LMX1A: variants seen among roughly 807,000 people sequenced by gnomAD.
The protein encoded by LMX1A is LIM homeobox transcription factor 1 alpha.
In LMX1A, 15 loss-of-function variants were observed where a neutral mutation model predicts 49.1. That is an observed-to-expected ratio of 0.31 (90% CI 0.20 to 0.47). LMX1A has a LOEUF of 0.47. Ranked by LOEUF, LMX1A falls within the 20% of genes least tolerant of loss-of-function variation. The pLI is 1.00. For missense variants in LMX1A, 372 were observed against 475.8 expected, an observed-to-expected ratio of 0.78 and a Z score of 2.03; for synonymous variants, 167 against 185.7, an observed-to-expected ratio of 0.90 and a Z score of 0.82.
intron 3 of LMX1A, among the ~76,000 whole-genome samples, chr1:165,266,907 CTT>C (rs1653643356): frequency 6.6e-6 from 1 of 151,836 alleles, no homozygotes; most frequent in Non-Finnish European, 1.5e-5. Flanking sequence ...GGCTTGCTTG[CTT>C]GCTTGCTTGC....
chr1:165,329,276 C>T (rs1655672113), intron 3 of LMX1A, among the ~76,000 whole-genome samples: 2 of 152,184 alleles, frequency 1.3e-5, no homozygotes, highest in Admixed American at 1.3e-4. Flanking sequence ...GATCCGGTCA[C>T]CTCCCACCAG....
intron 3 of LMX1A, among the ~76,000 whole-genome samples, chr1:165,281,775 T>TGTGTGTGA (rs1260514827): frequency 6.6e-6 from 1 of 151,826 alleles, no homozygotes; most frequent in African/African-American, 2.4e-5. Context: ...TGTGTGTGTG[T>TGTGTGTGA]GAAGCCACTG....
rs771718001 is a variant in LMX1A, at chr1:165,355,447, A to G, written c.76+37T>C. On this transcript the variant is annotated intron_variant, in intron 2 of 8. Coordinates refer to ENST00000342310, the MANE Select transcript of LMX1A (RefSeq NM_177398.4). The surrounding 1 kb of genome is among the most constrained non-coding windows in gnomAD (Gnocchi z 4.7). Reference sequence around the variant, plus strand: ...CTCCAGAGCTCAGCGCCAAGCGGAAAGAGAGTGCGCCCAGGACGCACGGCC... The same window carrying G: ...CTCCAGAGCTCAGCGCCAAGCGGAAGGAGAGTGCGCCCAGGACGCACGGCC... The G allele has an allele frequency of 1.2e-6, 2 of 1,607,218 alleles. No individual in the cohort carries two copies. Among genetic ancestry groups the G allele is most frequent in the African/African-American group, 1.3e-5 (1 of 74,800 alleles).
At chr1:165,309,205 T>G (rs1202850849) in intron 3 of LMX1A, among the ~76,000 whole-genome samples, 1 of 151,806 alleles carries the variant, frequency 6.6e-6, no homozygotes, top group Non-Finnish European at 1.5e-5. Flanking sequence ...AAGAGCTTGC[T>G]GCACGCTCCC....
chr1:165,223,033 G>C (rs1013313744), intron 4 of LMX1A, among the ~76,000 whole-genome samples: 3 of 121,100 alleles, frequency 2.5e-5, no homozygotes, highest in African/African-American at 8.8e-5. Context: ...GTGGTGGGGT[G>C]GGGGAGTGAT....
At position 165,355,832 on chromosome 1, in the gene LMX1A, CCTT is replaced by C; in HGVS notation, c.-22-254_-22-252del. The C allele has an allele frequency of 4.1e-6, 2 of 492,344 alleles. No individual in the cohort carries two copies. The highest frequency in any genetic ancestry group is 5.5e-5 in the South Asian group (2 of 36,238). 30.5% of individuals were successfully genotyped at this position (492,344 alleles called of 1,614,324 possible). On this transcript the variant is annotated intron_variant, in intron 1 of 8. Transcript: ENST00000342310. The surrounding 1 kb of genome is among the most constrained non-coding windows in gnomAD (Gnocchi z 4.7). Reference sequence around the variant, plus strand: ...GCCTCCGCCCCCCAACTGCGTTTCTCCTTCTCCTGCCCCCCTCACCCCCACCTA... The same window carrying C: ...GCCTCCGCCCCCCAACTGCGTTTCTCCTCCTGCCCCCCTCACCCCCACCTA...
In LMX1A at chr1:165,243,885, A is replaced by G. The variant is rs574771508; in HGVS notation, c.496+5523T>C. The stretch of plus-strand genomic sequence containing the variant: ...TTGAACACTCCATAGTGATAAGAGT[A>G]TCTTTTGTTGGCTAATGGTAGCTGG... On this transcript the variant is annotated intron_variant, in intron 4 of 8. Coordinates refer to ENST00000342310, the MANE Select transcript of LMX1A (RefSeq NM_177398.4). Among the ~76,000 whole-genome samples the G allele has an allele frequency of 2.0e-5, 3 of 152,348 alleles. No individual in the cohort carries two copies. The East Asian group carries it at 5.8e-4, about 29-fold the overall frequency.
At chr1:165,216,585 A>G (rs530319408) in intron 4 of LMX1A, among the ~76,000 whole-genome samples, 1 of 152,326 alleles carries the variant, frequency 6.6e-6, no homozygotes, top group East Asian at 1.9e-4. Flanking sequence ...AGTATAGAAT[A>G]TATTTTAAAA....
rs778635356 is a variant in LMX1A at position 165,249,523 on chromosome 1, T to C, written c.381A>G (p.Arg127=). The stretch of plus-strand genomic sequence containing the variant: ...CAAACTCATCACCCTTCTGAAGCTG[T>C]CGCTCGCAGACACAGCAGCAGAAGC... ...LSCFCCCVCE[R]QLQKGDEFVL... is the part of the protein sequence containing the mutation. The change falls in exon 4 of 9, where the codon CGA becomes CGG. Residue 127 remains arginine, a synonymous_variant. Transcript: ENST00000342310. The C allele has an allele frequency of 1.2e-6, 2 of 1,614,148 alleles. No individual in the cohort carries two copies. Among genetic ancestry groups the C allele is most frequent in the East Asian group, 4.5e-5 (2 of 44,876 alleles).
At position 165,232,994 on chromosome 1, in the gene LMX1A, C is replaced by A. The variant is rs556698851; in HGVS notation, c.496+16414G>T. On this transcript the variant is annotated intron_variant, in intron 4 of 8. Transcript: ENST00000342310. ...ATGTTGAACGGACCAGCAGAAGTCC[C>A]AATACTTATGTATATAATGAATTCC... Among the ~76,000 whole-genome samples the A allele has an allele frequency of 5.3e-5, 8 of 152,282 alleles. No individual in the cohort carries two copies. In the East Asian group the frequency reaches 1.3e-3, roughly 26 times the overall value.
chr1:165,298,232 A>G (rs1289014870), intron 3 of LMX1A, among the ~76,000 whole-genome samples: 2 of 152,136 alleles, frequency 1.3e-5, no homozygotes, highest in African/African-American at 2.4e-5. Flanking sequence ...GTTTTTATGC[A>G]GCTATTTGCG....
At chr1:165,298,248 G>A (rs1482849966) in intron 3 of LMX1A, among the ~76,000 whole-genome samples, 2 of 152,228 alleles carry the variant, frequency 1.3e-5, no homozygotes. Flanking sequence ...TTGCGGAGAT[G>A]AGAGCTGATT....
rs73027300 is a variant in LMX1A at position 165,232,148 on chromosome 1, C to A, written c.496+17260G>T. ...AAGGTCCACAGAGCAGGGAAGGCTG[C>A]GGATGCATCCCTGTGCTGGAGCAGC... On this transcript the variant is annotated intron_variant, in intron 4 of 8. Transcript: ENST00000342310. 2.7e-3 allele frequency among the ~76,000 whole-genome samples: 418 copies of A among 152,284 alleles called. 4 individuals carry two copies. The highest frequency in any genetic ancestry group is 9.7e-3 in the African/African-American group (405 of 41,566).
intron 3 of LMX1A, among the ~76,000 whole-genome samples, chr1:165,266,768 A>AT (rs1406006782): frequency 1.3e-5 from 2 of 151,292 alleles, no homozygotes; most frequent in African/African-American, 2.4e-5. Flanking sequence ...CGCCCAGCTA[A>AT]TTTTTTGTAT....
At chr1:165,350,978 G>C (rs1656409614) in intron 3 of LMX1A, among the ~76,000 whole-genome samples, 1 of 152,204 alleles carries the variant, frequency 6.6e-6, no homozygotes, top group Non-Finnish European at 1.5e-5. Flanking sequence ...TTTGTGAGGA[G>C]AGAACTGACC....
chr1:165,287,253 T>C (rs757993192), intron 3 of LMX1A, among the ~76,000 whole-genome samples: 11 of 152,156 alleles, frequency 7.2e-5, no homozygotes, highest in Non-Finnish European at 1.6e-4. Context: ...GGGGGCAGAA[T>C]ATGACCAGTG....
At chr1:165,245,774 T>C (rs1369720073) in intron 4 of LMX1A, among the ~76,000 whole-genome samples, 1 of 152,116 alleles carries the variant, frequency 6.6e-6, no homozygotes, top group African/African-American at 2.4e-5. Context: ...CACTATTTCA[T>C]ACAATTACAA....
At chr1:165,248,381 A>G (rs2102636560) in intron 4 of LMX1A, among the ~76,000 whole-genome samples, 1 of 152,346 alleles carries the variant, frequency 6.6e-6, no homozygotes, top group South Asian at 2.1e-4. Flanking sequence ...AGAATTGGCA[A>G]TGGCAAGAAC....
At chr1:165,208,195 G>C in intron 6 of LMX1A, 63 bp from the exon 7 acceptor site, 1 of 1,493,564 alleles carries the variant, frequency 6.7e-7, no homozygotes, top group Non-Finnish European at 9.3e-7. Flanking sequence ...ACAAAGTAAG[G>C]GGGGGCCTGG....
Sources: gnomAD v4.1 joint callset for allele counts (sites outside exome capture counted in the v4.1 genomes callset) on GRCh38, gnomAD v4.1.1 for gene constraint, Gnocchi (gnomAD v3.1) non-coding constraint, MANE v1.5 for transcripts, NCBI Gene and HGNC (gene_info 2026-07-23, HGNC 2026-07-21) for gene names.